Variants in DCC observed in about 807,000 individuals in gnomAD.
DCC encodes the protein DCC netrin 1 receptor, also known as netrin receptor DCC.
DCC carries 58 observed loss-of-function variants against 172.5 expected under a neutral mutation model. The ratio of observed to expected loss-of-function variants is 0.34; its 90% CI spans 0.27 to 0.42. The LOEUF (loss-of-function observed/expected upper bound fraction) is 0.42, where lower values mean the gene tolerates loss of function less well. Among genes scored for constraint, DCC ranks in the 10% least tolerant of loss-of-function variants. The pLI is 1.00. For synonymous variants in DCC, 709 were observed against 644.5 expected (o/e 1.10, Z -1.52); for missense variants, 1,740 against 1,791.0 (o/e 0.97, Z 0.51).
intron 1 of DCC, among the ~76,000 whole-genome samples, chr18:52,668,192 G>A (rs1157032007): frequency 6.6e-6 from 1 of 152,182 alleles, no homozygotes; most frequent in Non-Finnish European, 1.5e-5. Flanking sequence ...TGGAAAAGAG[G>A]TGACTTTTTG....
intron 1 of DCC, among the ~76,000 whole-genome samples, chr18:52,667,191 G>A (rs2879450): frequency 0.9 from 136,317 of 152,142 alleles, 61,639 homozygotes; most frequent in Middle Eastern, 0.96. Flanking sequence ...TCAGTTTGTC[G>A]CTTCAGCCTA....
intron 22 of DCC, among the ~76,000 whole-genome samples, chr18:53,441,369 A>G (rs1431698123): frequency 2.0e-5 from 3 of 152,080 alleles, no homozygotes; most frequent in Admixed American, 6.6e-5. Flanking sequence ...TGGTGATCTC[A>G]TCCTTTCCAT....
chr18:52,935,051 T>C (rs778433105), intron 5 of DCC, among the ~76,000 whole-genome samples: 7 of 152,148 alleles, frequency 4.6e-5, no homozygotes, highest in Non-Finnish European at 8.8e-5. Context: ...TCACTAAAAA[T>C]AGAACAACTG....
chr18:52,664,476 CTTTTT>C (rs374796439), intron 1 of DCC, among the ~76,000 whole-genome samples: 1 of 112,464 alleles, frequency 8.9e-6, no homozygotes, highest in Non-Finnish European at 1.7e-5. Context: ...TTTTCTTTTT[CTTTTT>C]TTTTTTTTTT....
intron 2 of DCC, among the ~76,000 whole-genome samples, chr18:52,836,376 A>G (rs1182901129): frequency 1.3e-5 from 2 of 152,230 alleles, no homozygotes; most frequent in Middle Eastern, 3.2e-3. Flanking sequence ...GTTCAAGTCC[A>G]AAGTCTCATC....
At chr18:52,503,953 G>A (rs566604291) in intron 1 of DCC, among the ~76,000 whole-genome samples, 7 of 152,208 alleles carry the variant, frequency 4.6e-5, no homozygotes, top group African/African-American at 1.4e-4. Context: ...TTAGGGGTAT[G>A]TATGCCATAA....
chr18:52,696,786 T>C (rs931423249), intron 1 of DCC, among the ~76,000 whole-genome samples: 7 of 152,214 alleles, frequency 4.6e-5, no homozygotes, highest in African/African-American at 1.7e-4. Flanking sequence ...CAACATCAAG[T>C]TATGAGAGCC....
chr18:53,452,989 C>T (rs2045435533), intron 23 of DCC, among the ~76,000 whole-genome samples: 2 of 152,100 alleles, frequency 1.3e-5, no homozygotes, highest in African/African-American at 4.8e-5. Context: ...AATCTCAGCT[C>T]ACTGCAACCT....
intron 5 of DCC, among the ~76,000 whole-genome samples, chr18:52,962,669 G>T (rs971755795): frequency 6.6e-6 from 1 of 151,646 alleles, no homozygotes; most frequent in South Asian, 2.1e-4. Context: ...TGTTTATTGC[G>T]GCACTATTCA....
intron 2 of DCC, among the ~76,000 whole-genome samples, chr18:52,794,812 C>T (rs2037841601): frequency 6.6e-6 from 1 of 151,532 alleles, no homozygotes; most frequent in South Asian, 2.1e-4. Context: ...TTTGAAATAC[C>T]TTCTTTTTAT....
chr18:53,010,141 T>G (rs899544120), intron 5 of DCC, among the ~76,000 whole-genome samples: 1 of 151,968 alleles, frequency 6.6e-6, no homozygotes, highest in Non-Finnish European at 1.5e-5. Flanking sequence ...CCAAGCTTAT[T>G]TCATGCCATG....
chr18:53,337,819 G>T (rs1398830751), intron 14 of DCC, among the ~76,000 whole-genome samples: 1 of 152,154 alleles, frequency 6.6e-6, no homozygotes, highest in Admixed American at 6.5e-5. Flanking sequence ...AAAAGTGGAG[G>T]GGGCTGTGCC....
intron 14 of DCC, among the ~76,000 whole-genome samples, chr18:53,331,234 GACAA>G (rs919898011): frequency 2.6e-5 from 4 of 152,154 alleles, no homozygotes; most frequent in African/African-American, 9.7e-5. Flanking sequence ...TTTGTTCTGA[GACAA>G]ACCAATAGGT....
chr18:52,732,842 T>C (rs894515991), intron 1 of DCC, among the ~76,000 whole-genome samples: 2 of 152,198 alleles, frequency 1.3e-5, no homozygotes, highest in Non-Finnish European at 2.9e-5. Context: ...TCATTTGTTC[T>C]TCCCTCTTCT....
intron 1 of DCC, among the ~76,000 whole-genome samples, chr18:52,357,561 A>T (rs1284813927): frequency 6.6e-6 from 1 of 152,196 alleles, no homozygotes; most frequent in Non-Finnish European, 1.5e-5. Flanking sequence ...ATGCAGAAGA[A>T]TTCAAAATAT....
chr18:53,056,522 A>G (rs999314088), intron 5 of DCC, among the ~76,000 whole-genome samples: 4 of 152,184 alleles, frequency 2.6e-5, no homozygotes, highest in Admixed American at 6.5e-5. Flanking sequence ...TGTTTATACT[A>G]TTTTGATACT....
At chr18:52,700,562 T>A (rs967744542) in intron 1 of DCC, among the ~76,000 whole-genome samples, 5 of 152,226 alleles carry the variant, frequency 3.3e-5, no homozygotes. Flanking sequence ...ATTCTTTCTA[T>A]CATGAACAAA....
chr18:53,248,526 G>A (rs951319562), intron 12 of DCC, among the ~76,000 whole-genome samples: 3 of 152,092 alleles, frequency 2.0e-5, no homozygotes, highest in African/African-American at 7.2e-5. Context: ...CATGAAGAAG[G>A]CCAGATTGAG....
At chr18:52,908,092 A>G (rs2039917072) in intron 3 of DCC, among the ~76,000 whole-genome samples, 1 of 152,340 alleles carries the variant, frequency 6.6e-6, no homozygotes, top group Non-Finnish European at 1.5e-5. Flanking sequence ...GGAACTGACT[A>G]CATCTCAAAG....
Sources: gnomAD v4.1 joint callset for allele counts (sites outside exome capture counted in the v4.1 genomes callset) on GRCh38, gnomAD v4.1.1 for gene constraint, MANE v1.5 for transcripts, NCBI Gene and HGNC (gene_info 2026-07-23, HGNC 2026-07-21) for gene names.